The following KLHDC1 variants were observed in gnomAD, a reference collection of about 807,000 sequenced individuals.
KLHDC1 encodes kelch domain-containing protein 1.
KLHDC1 carries 53 observed loss-of-function variants against 68.3 expected under a neutral mutation model. That is an observed-to-expected ratio of 0.78 (90% CI 0.62 to 0.98). The LOEUF (loss-of-function observed/expected upper bound fraction) is 0.98, where lower values mean the gene tolerates loss of function less well. Among genes scored for constraint, KLHDC1 ranks in the 50% least tolerant of loss-of-function variants. The pLI, the probability that KLHDC1 is intolerant of heterozygous loss-of-function variation, is 0.00. For missense variants in KLHDC1, 470 were observed against 492.3 expected, an observed-to-expected ratio of 0.95 and a Z score of 0.43; for synonymous variants, 148 against 159.0, an observed-to-expected ratio of 0.93 and a Z score of 0.52.
At chr14:49,738,905 T>G (rs1025058641) in intron 10 of KLHDC1, among the ~76,000 whole-genome samples, 3 of 152,220 alleles carry the variant, frequency 2.0e-5, no homozygotes, top group Non-Finnish European at 4.4e-5. Context: ...GATGCAGATA[T>G]GTACAATCAG....
intron 1 of KLHDC1, among the ~76,000 whole-genome samples, chr14:49,701,678 A>C (rs1298632162): frequency 6.6e-6 from 1 of 152,034 alleles, no homozygotes; most frequent in African/African-American, 2.4e-5. Flanking sequence ...AAAAACAAAA[A>C]AATACCAAAA....
Position 49,737,853 on chromosome 14 carries a change from A to G in KLHDC1, c.897-2245A>G, listed in dbSNP as rs565051018. On this transcript the variant is annotated intron_variant, in intron 10 of 12. Coordinates refer to ENST00000359332, the MANE Select transcript of KLHDC1 (RefSeq NM_172193.3). ...GCACTCCAGCCTGGGTGACAGAGCC[A>G]GATCCTGTCTCAAAAAAAAAAAAAA... is the stretch of plus-strand genomic sequence containing the variant. Among the ~76,000 whole-genome samples, 5 of 145,058 alleles carry G rather than the reference A, an allele frequency of 3.4e-5. No individual in the cohort carries two copies. The South Asian group carries it at 1.2e-3, about 35-fold the overall frequency.
intron 1 of KLHDC1, among the ~76,000 whole-genome samples, chr14:49,696,979 G>A (rs1415647232): frequency 3.3e-5 from 5 of 149,994 alleles, no homozygotes; most frequent in South Asian, 2.1e-4. Context: ...CTCCATCGCC[G>A]AGGCTGGAGT....
At chr14:49,713,229 C>T (rs1295315721) in intron 4 of KLHDC1, among the ~76,000 whole-genome samples, 1 of 152,062 alleles carries the variant, frequency 6.6e-6, no homozygotes, top group African/African-American at 2.4e-5. Context: ...GCTGGGATTA[C>T]AGGCATGAGC....
intron 2 of KLHDC1, 54 bp downstream of exon 2, chr14:49,709,283 T>A: frequency 1.3e-6 from 1 of 760,854 alleles, no homozygotes; most frequent in Non-Finnish European, 2.2e-6. Flanking sequence ...TATAAATGTT[T>A]CTGTAGACTC....
At chr14:49,694,514 C>T (rs534098158) in intron 1 of KLHDC1, among the ~76,000 whole-genome samples, 102 of 152,096 alleles carry the variant, frequency 6.7e-4, no homozygotes, top group African/African-American at 2.3e-3. Flanking sequence ...GTCATGTTTA[C>T]ATTGTAGTGT....
rs185573266 is a variant in KLHDC1, at chr14:49,703,209, T to C, written c.97-5950T>C. Among the ~76,000 whole-genome samples, 454 of 152,200 alleles carry C rather than the reference T, an allele frequency of 3.0e-3. 3 individuals are homozygous for C. Among genetic ancestry groups the C allele is most frequent in the African/African-American group, 0.011 (439 of 41,568 alleles). On this transcript the variant is annotated intron_variant, in intron 1 of 12. Transcript: ENST00000359332. ...AAGCTTCCTTTTATCCTGCATTGAT[T>C]ACATTGCTCCCACTACCCCCACTCA... is the stretch of plus-strand genomic sequence containing the variant.
chr14:49,722,370 G>A (rs750197321), intron 4 of KLHDC1, among the ~76,000 whole-genome samples: 1 of 152,148 alleles, frequency 6.6e-6, no homozygotes, highest in Non-Finnish European at 1.5e-5. Context: ...GCGGTGTTTG[G>A]TTTTTTGTCC....
chr14:49,723,782 G>A (rs1295452621), intron 4 of KLHDC1, 92 bp from the exon 5 acceptor site: 6 of 659,040 alleles, frequency 9.1e-6, no homozygotes, highest in Non-Finnish European at 1.6e-5. Flanking sequence ...TTTTGTGTTT[G>A]GGTTGTTAAG....
chr14:49,695,118 G>GTGTGTGTGTA (rs1566590275), intron 1 of KLHDC1, among the ~76,000 whole-genome samples: 2 of 147,804 alleles, frequency 1.4e-5, no homozygotes, highest in African/African-American at 5.1e-5. Flanking sequence ...CAGTTTTGAT[G>GTGTGTGTGTA]TGTGTGTGTG....
chr14:49,693,545 G>A (rs1291690036), intron 1 of KLHDC1, among the ~76,000 whole-genome samples: 1 of 151,706 alleles, frequency 6.6e-6, no homozygotes, highest in Non-Finnish European at 1.5e-5. Flanking sequence ...CTCTTTGCCA[G>A]CAATTCAGTA....
intron 6 of KLHDC1, among the ~76,000 whole-genome samples, chr14:49,727,966 A>C (rs1011574196): frequency 2.0e-5 from 3 of 152,232 alleles, no homozygotes; most frequent in South Asian, 2.1e-4. Flanking sequence ...AATTATGCAG[A>C]AGATTTTTCC....
At chr14:49,736,101 T>G (rs566182597) in intron 10 of KLHDC1, among the ~76,000 whole-genome samples, 3 of 152,216 alleles carry the variant, frequency 2.0e-5, no homozygotes, top group African/African-American at 7.2e-5. Context: ...TTTATTCCAG[T>G]TGTTTGATTG....
rs1370066549 is a variant in KLHDC1 at position 49,713,831 on chromosome 14, TATATATATATATATATA to T, written c.404+3451_404+3467del. On this transcript the variant is annotated intron_variant, in intron 4 of 12. Transcript: ENST00000359332. ...ATATATATATATATATATATATATA[TATATATATATATATATA>T]TATTTTTTTTTTTTTTTTTCCTGAG... Among the ~76,000 whole-genome samples, 41 of 13,712 alleles carry T rather than the reference TATATATATATATATATA, an allele frequency of 3.0e-3. 1 individual carries two copies. The highest frequency in any genetic ancestry group is 8.8e-3 in the South Asian group (3 of 340). 9.0% of individuals were successfully genotyped at this position (13,712 alleles called of 152,430 possible). A position where few individuals can be genotyped will look rare whatever the true frequency, so the allele number is the denominator to read the frequency against.
intron 10 of KLHDC1, among the ~76,000 whole-genome samples, chr14:49,736,203 C>T (rs571355792): frequency 6.6e-6 from 1 of 152,258 alleles, no homozygotes; most frequent in African/African-American, 2.4e-5. Context: ...AGTAGAGCAA[C>T]ACAACTATTA....
In KLHDC1 at chr14:49,751,935, A is replaced by G. The variant is rs1337476598; in HGVS notation, c.*163A>G. ...GCCATGGGATATATGGAAAAAAGATATTAATGCAGATTAATTTATATTTGT... is the reference window on the plus strand; with the variant it reads ...GCCATGGGATATATGGAAAAAAGATGTTAATGCAGATTAATTTATATTTGT... On this transcript the variant is annotated 3_prime_UTR_variant, in exon 13 of 13. Transcript: ENST00000359332. The G allele has an allele frequency of 8.2e-6, 3 of 367,418 alleles. No individual in the cohort carries two copies. The highest frequency in any genetic ancestry group is 2.4e-4 in the South Asian group (2 of 8,334). 22.8% of individuals were successfully genotyped at this position (367,418 alleles called of 1,614,324 possible).
At chr14:49,743,419 AAAG>A (rs1394924933) in intron 11 of KLHDC1, among the ~76,000 whole-genome samples, 6 of 151,112 alleles carry the variant, frequency 4.0e-5, no homozygotes, top group African/African-American at 1.2e-4. Context: ...AAAAAAAAGA[AAAG>A]AAAACCACTA....
intron 4 of KLHDC1, among the ~76,000 whole-genome samples, chr14:49,713,815 TATATATATATATATATATATATATATA>T (rs1888277848): frequency 3.1e-3 from 16 of 5,174 alleles, no homozygotes; most frequent in Middle Eastern, 0.071. Context: ...TATATATATA[TATATATATATATATATATATATATATA>T]TATATATATT....
chr14:49,738,898 G>A (rs887255963), intron 10 of KLHDC1, among the ~76,000 whole-genome samples: 6 of 152,206 alleles, frequency 3.9e-5, no homozygotes, highest in Non-Finnish European at 5.9e-5. Context: ...GGAGTTGGAT[G>A]CAGATATGTA....
Sources: gnomAD v4.1 joint callset for allele counts (sites outside exome capture counted in the v4.1 genomes callset) on GRCh38, gnomAD v4.1.1 for gene constraint, MANE v1.5 for transcripts, NCBI Gene and HGNC (gene_info 2026-07-23, HGNC 2026-07-21) for gene names.